PTCHD4: variants seen among roughly 807,000 people sequenced by gnomAD.
PTCHD4 encodes the protein patched domain-containing protein 4.
Under a neutral mutation model 58.1 loss-of-function variants are expected in PTCHD4, and 33 were observed. The observed-to-expected ratio is 0.57, with a 90% CI of 0.43 to 0.76. The LOEUF is 0.76. PTCHD4 is among the 30% of genes least tolerant of loss of function. The pLI, the probability that PTCHD4 is intolerant of heterozygous loss-of-function variation, is 0.00. For synonymous variants in PTCHD4, 478 were observed against 409.6 expected, an observed-to-expected ratio of 1.17 and a Z score of -2.02; for missense variants, 1,058 against 1,027.1, an observed-to-expected ratio of 1.03 and a Z score of -0.41.
rs1763565253 is a variant in PTCHD4, at chr6:47,866,470, T to C, written c.*11833A>G. Among the ~76,000 whole-genome samples, 1 of 151,822 alleles carries C rather than the reference T, an allele frequency of 6.6e-6. No homozygotes were observed. The highest frequency in any genetic ancestry group is 6.6e-5 in the Admixed American group (1 of 15,204). Reference sequence around the variant, plus strand: ...CTCCTAGGGTTATCCAAAATGTCTCTTAGAGTGTGTTTGTTGACCATGGTC... The same window carrying C: ...CTCCTAGGGTTATCCAAAATGTCTCCTAGAGTGTGTTTGTTGACCATGGTC... On this transcript the variant is annotated 3_prime_UTR_variant, in exon 5 of 5. Transcript: ENST00000339488.
At chr6:47,988,750 C>A (rs1005857206) in intron 4 of PTCHD4, among the ~76,000 whole-genome samples, 1 of 152,184 alleles carries the variant, frequency 6.6e-6, no homozygotes, top group African/African-American at 2.4e-5. Flanking sequence ...GTGAGGCCTC[C>A]CCAGCCATGT....
chr6:47,990,684 C>G (rs903688749), intron 4 of PTCHD4, among the ~76,000 whole-genome samples: 3 of 152,066 alleles, frequency 2.0e-5, no homozygotes, highest in African/African-American at 7.2e-5. Flanking sequence ...CTTTTTCTTC[C>G]CAGTCTCAGG....
chr6:48,009,022 A>T lies in PTCHD4; in HGVS notation c.510T>A (p.Ile170=). The change falls in exon 4 of 5, where the codon ATT becomes ATA. Residue 170 remains isoleucine, a synonymous_variant. Coordinates refer to ENST00000339488, the MANE Select transcript of PTCHD4 (RefSeq NM_001384253.1). Reference sequence around the variant, plus strand: ...AGGTCTGGAGGTAGTAGGTGATTTGAATGGCTCTGGCTGACTTGACCCGCT... The same window carrying T: ...AGGTCTGGAGGTAGTAGGTGATTTGTATGGCTCTGGCTGACTTGACCCGCT... ...KDQRVKSARA[I]QITYYLQTYG... The T allele has an allele frequency of 6.2e-7, 1 of 1,613,924 alleles. No homozygotes were observed. Among genetic ancestry groups the T allele is most frequent in the South Asian group, 1.1e-5 (1 of 91,074 alleles).
intron 1 of PTCHD4, among the ~76,000 whole-genome samples, chr6:48,099,372 C>T (rs1469688457): frequency 3.3e-5 from 5 of 152,182 alleles, no homozygotes; most frequent in Non-Finnish European, 5.9e-5. Context: ...GTTTGCACTT[C>T]CTGCCTCACA....
At chr6:47,963,894 TC>T (rs1767191731) in intron 4 of PTCHD4, among the ~76,000 whole-genome samples, 1 of 152,232 alleles carries the variant, frequency 6.6e-6, no homozygotes, top group Admixed American at 6.5e-5. Flanking sequence ...ATTGTGGCTC[TC>T]AAGCAAGCAA....
intron 4 of PTCHD4, among the ~76,000 whole-genome samples, chr6:47,934,119 G>T (rs769950710): frequency 1.1e-4 from 17 of 152,076 alleles, no homozygotes; most frequent in Non-Finnish European, 1.9e-4. Flanking sequence ...GGTGGGAGGG[G>T]GTCCCAGGCG....
At chr6:48,089,147 G>A (rs1222795352) in intron 1 of PTCHD4, among the ~76,000 whole-genome samples, 1 of 152,178 alleles carries the variant, frequency 6.6e-6, no homozygotes, top group African/African-American at 2.4e-5. Context: ...AATGGAGTGA[G>A]ATCAGTAGCA....
At chr6:48,049,456 CAT>C (rs1356872043) in intron 3 of PTCHD4, among the ~76,000 whole-genome samples, 1 of 151,952 alleles carries the variant, frequency 6.6e-6, no homozygotes, top group Admixed American at 6.6e-5. Flanking sequence ...ATAATGCACT[CAT>C]GTGTTTAATG....
At chr6:48,036,792 C>A (rs933312009) in intron 3 of PTCHD4, among the ~76,000 whole-genome samples, 2 of 152,054 alleles carry the variant, frequency 1.3e-5, no homozygotes, top group African/African-American at 4.8e-5. Context: ...CAATTAAGAA[C>A]CAATTTTCTA....
At chr6:47,949,245 T>C (rs1295384543) in intron 4 of PTCHD4, among the ~76,000 whole-genome samples, 1 of 151,996 alleles carries the variant, frequency 6.6e-6, no homozygotes, top group Non-Finnish European at 1.5e-5. Context: ...GAAGCATCCA[T>C]GGGAAGGTTT....
intron 4 of PTCHD4, among the ~76,000 whole-genome samples, chr6:48,003,933 A>T (rs76004576): frequency 1.8e-4 from 28 of 152,160 alleles, no homozygotes; most frequent in Middle Eastern, 3.4e-3. Flanking sequence ...CTCTGCTTCA[A>T]TTTTACTCTT....
intron 4 of PTCHD4, among the ~76,000 whole-genome samples, chr6:47,965,923 C>G (rs1261753569): frequency 6.6e-6 from 1 of 151,878 alleles, no homozygotes; most frequent in Non-Finnish European, 1.5e-5. Context: ...TCAAAAAAAC[C>G]AAAAACAAAC....
chr6:47,985,583 T>C (rs955541119), intron 4 of PTCHD4, among the ~76,000 whole-genome samples: 1 of 152,246 alleles, frequency 6.6e-6, no homozygotes, highest in Non-Finnish European at 1.5e-5. Flanking sequence ...ATTTAGTGGA[T>C]GATGAAAGAA....
Position 48,068,722 on chromosome 6 carries a change from C to G in PTCHD4, c.6-81G>C. Reference sequence around the variant, plus strand: ...CCACCCCCTGGGGCCAGTCCCCCCTCCCCACCGCCGCCGCCTCCCCACCCA... The same window carrying G: ...CCACCCCCTGGGGCCAGTCCCCCCTGCCCACCGCCGCCGCCTCCCCACCCA... On this transcript the variant is annotated intron_variant, in intron 2 of 4. Transcript: ENST00000339488. This position sits in a 1 kb window ranked among gnomAD's most constrained non-coding sequence, Gnocchi z 4.2. 3 of 1,381,790 alleles carry G rather than the reference C, an allele frequency of 2.2e-6. No individual in the cohort carries two copies. The highest frequency in any genetic ancestry group is 2.9e-6 in the Non-Finnish European group (3 of 1,040,480). The allele number at this position is 1,381,790 out of a possible 1,614,324, so 85.6% of individuals were successfully genotyped here. A position where few individuals can be genotyped will look rare whatever the true frequency, so the allele number is the denominator to read the frequency against.
At chr6:47,992,267 GTATATATATACACACACACACGTGAACA>G (rs1191139622) in intron 4 of PTCHD4, among the ~76,000 whole-genome samples, 4 of 152,012 alleles carry the variant, frequency 2.6e-5, no homozygotes, top group Non-Finnish European at 5.9e-5. Flanking sequence ...ATATAATTGT[GTATATATATACACACACACACGTGAACA>G]TATATATATA....
chr6:48,049,018 G>A (rs910869399), intron 3 of PTCHD4, among the ~76,000 whole-genome samples: 3 of 151,940 alleles, frequency 2.0e-5, no homozygotes, highest in Admixed American at 6.6e-5. Context: ...ATTTAGATGA[G>A]GTACAAAGAC....
chr6:48,081,114 T>C (rs1226224310), intron 1 of PTCHD4, among the ~76,000 whole-genome samples: 1 of 152,110 alleles, frequency 6.6e-6, no homozygotes, highest in East Asian at 1.9e-4. Flanking sequence ...ATAACCAAAA[T>C]GTACAAAACC....
intron 4 of PTCHD4, among the ~76,000 whole-genome samples, chr6:47,934,415 A>G (rs1471967530): frequency 6.6e-6 from 1 of 152,144 alleles, no homozygotes; most frequent in Admixed American, 6.5e-5. Flanking sequence ...CTGCAGCACA[A>G]TTATGTATGG....
At chr6:47,990,352 G>A (rs899498727) in intron 4 of PTCHD4, among the ~76,000 whole-genome samples, 1 of 152,140 alleles carries the variant, frequency 6.6e-6, no homozygotes, top group African/African-American at 2.4e-5. Context: ...ATGTGAGGAT[G>A]TGAGATTTGG....
Sources: gnomAD v4.1 joint callset for allele counts (sites outside exome capture counted in the v4.1 genomes callset) on GRCh38, gnomAD v4.1.1 for gene constraint, Gnocchi (gnomAD v3.1) non-coding constraint, MANE v1.5 for transcripts, NCBI Gene and HGNC (gene_info 2026-07-23, HGNC 2026-07-21) for gene names.